The following ZSWIM8 variants were observed in gnomAD, a reference collection of about 807,000 sequenced individuals.
ZSWIM8 encodes the protein zinc finger SWIM domain-containing protein 8.
In ZSWIM8, 27 loss-of-function variants were observed where a neutral mutation model predicts 173.7. The observed-to-expected ratio is 0.16, with a 90% CI of 0.11 to 0.21. The LOEUF is 0.21. ZSWIM8 is among the 10% of genes least tolerant of loss of function. ZSWIM8 has a pLI of 1.00. For missense variants in ZSWIM8, 1,627 were observed against 2,428.8 expected (o/e 0.67, Z 6.94); for synonymous variants, 958 against 962.0 (o/e 1.00, Z 0.08).
intron 2 of ZSWIM8, 62 bp downstream of exon 2, chr10:73,788,885 T>A (rs1195459475): frequency 1.9e-6 from 3 of 1,597,422 alleles, no homozygotes; most frequent in Non-Finnish European, 2.6e-6. Context: ...TCTGCTGGGT[T>A]TCCCATAGAA....
chr10:73,795,053 G>C (rs1302778950), intron 14 of ZSWIM8: 1 of 179,796 alleles, frequency 5.6e-6, no homozygotes, highest in East Asian at 1.7e-4. Context: ...GCAGTGAACT[G>C]TGATTGCACC....
At position 73,799,005 on chromosome 10, in the gene ZSWIM8, A is replaced by G; in HGVS notation, c.4180A>G (p.Asn1394Asp). ...RALVQCKEQD[N>D]LMLEKACMAV... ...ACTCTGTGCCCCTCTCTTCCAGGAC[A>G]ACCTGATGTTGGAGAAGGCCTGCAT... Residue 1394 changes from asparagine to aspartate, a missense_variant, in exon 21 of 26, where the codon AAC becomes GAC. Around this residue, in one of 18 missense-constraint regions of ZSWIM8, gnomAD observed 95 missense variants for 271.3 expected, o/e 0.35. Coordinates refer to ENST00000604729, the MANE Select transcript of ZSWIM8 (RefSeq NM_001367799.1). 6.2e-7 allele frequency: 1 copy of G among 1,606,866 alleles called. No individual in the cohort carries two copies. The highest frequency in any genetic ancestry group is 2.2e-5 in the East Asian group (1 of 44,780).
intron 10 of ZSWIM8, 139 bp from the exon 11 acceptor site, chr10:73,793,449 C>T (rs2083493705): frequency 1.1e-6 from 1 of 921,552 alleles, no homozygotes; most frequent in Middle Eastern, 2.3e-4. Flanking sequence ...GTCTGTCTTT[C>T]TAACCAGAGC....
intron 15 of ZSWIM8, chr10:73,796,425 C>T (rs1369267693): frequency 2.4e-6 from 1 of 411,536 alleles, no homozygotes; most frequent in Non-Finnish European, 4.6e-6. Flanking sequence ...ATCTTGGGGA[C>T]ATCTCATAAA....
intron 11 of ZSWIM8, 25 bp downstream of exon 11, chr10:73,793,744 T>C (rs773755847): frequency 8.2e-6 from 13 of 1,579,076 alleles, no homozygotes; most frequent in South Asian, 2.3e-5. Flanking sequence ...TCCTCTACCT[T>C]CCCCTCCCCC....
Position 73,785,618 on chromosome 10 carries a change from G to T in ZSWIM8, c.-261G>T, listed in dbSNP as rs1174971583. ...GAGGCGGCTCCGCAGCCGCCTAGAGGCCCCAGCCGCCGAGCGCTTCGTCCC... is the reference window on the plus strand; with the variant it reads ...GAGGCGGCTCCGCAGCCGCCTAGAGTCCCCAGCCGCCGAGCGCTTCGTCCC... On this transcript the variant is annotated 5_prime_UTR_variant, in exon 1 of 26. Transcript: ENST00000604729. 4 of 558,140 alleles carry T rather than the reference G, an allele frequency of 7.2e-6. No homozygotes were observed. The highest frequency in any genetic ancestry group is 1.4e-5 in the Non-Finnish European group (4 of 291,480). 34.6% of individuals were successfully genotyped at this position (558,140 alleles called of 1,614,324 possible). A position where few individuals can be genotyped will look rare whatever the true frequency, so the allele number is the denominator to read the frequency against.
intron 15 of ZSWIM8, chr10:73,796,415 A>G (rs1203522361): frequency 2.4e-6 from 1 of 409,726 alleles, no homozygotes; most frequent in African/African-American, 2.1e-5. Flanking sequence ...TAAGTAGGGA[A>G]TCTTGGGGAC....
chr10:73,800,882 C>A lies in ZSWIM8; in HGVS notation c.5122+123C>A. ...GGCCTTGGTCGGGTATGTGTGCGTG[C>A]GCGGGGGGCGGAGGGTTACCTCAGC... On this transcript the variant is annotated intron_variant, in intron 24 of 25. Coordinates refer to ENST00000604729, the MANE Select transcript of ZSWIM8 (RefSeq NM_001367799.1). This position sits in a 1 kb window ranked among gnomAD's most constrained non-coding sequence, Gnocchi z 4.1. The A allele has an allele frequency of 8.5e-7, 1 of 1,179,456 alleles. No individual in the cohort carries two copies. Among genetic ancestry groups the A allele is most frequent in the Non-Finnish European group, 1.2e-6 (1 of 837,060 alleles). The allele number at this position is 1,179,456 out of a possible 1,614,324, so 73.1% of individuals were successfully genotyped here.
chr10:73,801,596 T>C lies in ZSWIM8; in HGVS notation c.*77T>C. ...GCCCCTCACACAGGGGGAGTGAAAC[T>C]TGGCTGGACAGATCATCCTCACTCA... On this transcript the variant is annotated 3_prime_UTR_variant, in exon 26 of 26. Coordinates refer to ENST00000604729, the MANE Select transcript of ZSWIM8 (RefSeq NM_001367799.1). This position sits in a 1 kb window ranked among gnomAD's most constrained non-coding sequence, Gnocchi z 4.9. 2 of 1,562,380 alleles carry C rather than the reference T, an allele frequency of 1.3e-6. No homozygotes were observed. Among genetic ancestry groups the C allele is most frequent in the Non-Finnish European group, 1.7e-6 (2 of 1,158,186 alleles).
In ZSWIM8 at chr10:73,792,805, G is replaced by A. The variant is rs764278173; in HGVS notation, c.2266G>A (p.Asp756Asn). 4 of 1,598,928 alleles carry A rather than the reference G, an allele frequency of 2.5e-6. No homozygotes were observed. The highest frequency in any genetic ancestry group is 1.1e-5 in the South Asian group (1 of 90,214). Reference protein sequence around the residue: ...KAEGGAGEEHDLFAGLKPLEQ... With the variant: ...KAEGGAGEEHNLFAGLKPLEQ... Reference sequence around the variant, plus strand: ...CGAGGGCGGGGCTGGGGAGGAGCACGACCTGTTTGCTGGGCTGAAGCCACT... The same window carrying A: ...CGAGGGCGGGGCTGGGGAGGAGCACAACCTGTTTGCTGGGCTGAAGCCACT... Residue 756 changes from aspartate to asparagine, a missense_variant, in exon 10 of 26, where the codon GAC becomes AAC. Asp to Asn is a conservative substitution (Grantham distance 23). This residue lies in a region of ZSWIM8 where 383 missense variants were observed against 394.8 expected (regional missense o/e 0.97). Coordinates refer to ENST00000604729, the MANE Select transcript of ZSWIM8 (RefSeq NM_001367799.1). This position sits in a 1 kb window ranked among gnomAD's most constrained non-coding sequence, Gnocchi z 4.3.
Position 73,789,385 on chromosome 10 carries a change from C to T in ZSWIM8, c.476C>T (p.Thr159Ile). 6.4e-7 allele frequency: 1 copy of T among 1,567,314 alleles called. No homozygotes were observed. The highest frequency in any genetic ancestry group is 8.7e-7 in the Non-Finnish European group (1 of 1,155,806). The change falls in exon 4 of 26, where the codon ACA (threonine) becomes ATA (isoleucine). Residue 159 changes from threonine to isoleucine, a missense_variant. Transcript: ENST00000604729. The surrounding 1 kb of genome is among the most constrained non-coding windows in gnomAD (Gnocchi z 6.8). ...PLQIGFHLSA[T>I]VVPPQMVPPK... ...TCCCCAGGGTTCCACCTGAGTGCTA[C>T]AGTGGTGCCACCTCAGATGGTCCCT...
chr10:73,786,348 G>A (rs2083223131), intron 1 of ZSWIM8: 2 of 382,820 alleles, frequency 5.2e-6, no homozygotes, highest in Admixed American at 4.5e-5. Flanking sequence ...GTGTGTGTGC[G>A]CGCGCGCGCG....
Position 73,799,255 on chromosome 10 carries a change from C to T in ZSWIM8, c.4430C>T (p.Ala1477Val), listed in dbSNP as rs202213053. The T allele has an allele frequency of 1.6e-5, 25 of 1,598,584 alleles. No individual in the cohort carries two copies. The East Asian group carries it at 2.3e-4, about 15-fold the overall frequency. Reference protein sequence around the residue: ...GPGTEPVTVAAAAVTAAATVV... With the variant: ...GPGTEPVTVAVAAVTAAATVV... ...GGGACTGAGCCGGTTACAGTGGCAG[C>T]GGCAGCAGTGACAGCAGCAGCCACA... is the stretch of plus-strand genomic sequence containing the variant. Residue 1477 changes from alanine to valine, a missense_variant, in exon 21 of 26, where the codon GCG (alanine) becomes GTG (valine). Physicochemically the swap from Ala to Val is moderately conservative, Grantham distance 64 (BLOSUM62 0). Transcript: ENST00000604729.
At chr10:73,799,578 T>TCC in intron 21 of ZSWIM8, 88 bp downstream of exon 21, 2 of 1,533,756 alleles carry the variant, frequency 1.3e-6, no homozygotes. Context: ...GGAGTATAAT[T>TCC]GGTCAGTCGG....
At chr10:73,794,392 G>A (rs1012472736) in intron 13 of ZSWIM8, 62 bp downstream of exon 13, 1 of 1,582,238 alleles carries the variant, frequency 6.3e-7, no homozygotes, top group African/African-American at 1.4e-5. Flanking sequence ...CTCTAAGAAA[G>A]ACCAAGAGCC....
rs762217437 is a variant in ZSWIM8, at chr10:73,790,263, G to A, written c.912G>A (p.Lys304=). Residue 304 remains lysine, a synonymous_variant, in exon 7 of 26, where the codon AAG becomes AAA. Transcript: ENST00000604729. The part of the protein sequence containing the change: ...LTDNIKKTLH[K]FCGPSPVVFS... ...ACAACATCAAAAAGACACTGCACAA[G>A]TTCTGTGGCCCCTCCCCTGTGGTCT... 5 of 1,612,870 alleles carry A rather than the reference G, an allele frequency of 3.1e-6. No homozygotes were observed. The South Asian group carries it at 4.4e-5, about 14-fold the overall frequency.
chr10:73,798,225 C>G lies in ZSWIM8; in HGVS notation c.3953-5C>G. On this transcript the variant is annotated splice_region_variant and splice_polypyrimidine_tract_variant and intron_variant, in intron 19 of 25. Transcript: ENST00000604729. ...CAACTCTGCCCTTCTCTCCTTTCCC[C>G]TAAGGCCAGGCCATGGAGATAGGCA... is the stretch of plus-strand genomic sequence containing the variant. The G allele has an allele frequency of 6.2e-7, 1 of 1,613,730 alleles. No homozygotes were observed. Among genetic ancestry groups the G allele is most frequent in the East Asian group, 2.2e-5 (1 of 44,884 alleles).
Position 73,799,616 on chromosome 10 carries a change from G to A in ZSWIM8, c.4665+126G>A, listed in dbSNP as rs988242500. On this transcript the variant is annotated intron_variant, in intron 21 of 25. Transcript: ENST00000604729. Reference sequence around the variant, plus strand: ...AGTCCTGGTGAGGTGGTGGGAGTCTGGGGGACCCAGCCCAACTAAAATAAG... The same window carrying A: ...AGTCCTGGTGAGGTGGTGGGAGTCTAGGGGACCCAGCCCAACTAAAATAAG... The A allele has an allele frequency of 9.8e-6, 13 of 1,332,922 alleles. No homozygotes were observed. In the African/African-American group the frequency reaches 1.9e-4, roughly 19 times the overall value. 82.6% of individuals were successfully genotyped at this position (1,332,922 alleles called of 1,614,324 possible).
Position 73,801,675 on chromosome 10 carries a change from G to A in ZSWIM8, c.*156G>A. Reference sequence around the variant, plus strand: ...CTCTTGGGCTATAGCTTGGGGCCAAGATGTCTCACACCCTAGAAGCCTAGG... The same window carrying A: ...CTCTTGGGCTATAGCTTGGGGCCAAAATGTCTCACACCCTAGAAGCCTAGG... On this transcript the variant is annotated 3_prime_UTR_variant, in exon 26 of 26. Coordinates refer to ENST00000604729, the MANE Select transcript of ZSWIM8 (RefSeq NM_001367799.1). This position sits in a 1 kb window ranked among gnomAD's most constrained non-coding sequence, Gnocchi z 4.9. The A allele has an allele frequency of 6.5e-7, 1 of 1,534,888 alleles. No homozygotes were observed. The highest frequency in any genetic ancestry group is 8.7e-7 in the Non-Finnish European group (1 of 1,146,502).
Sources: gnomAD v4.1 joint callset for allele counts on GRCh38, gnomAD v4.1.1 for gene constraint, gnomAD v4.1.1 regional missense constraint, Gnocchi (gnomAD v3.1) non-coding constraint, MANE v1.5 for transcripts, NCBI Gene and HGNC (gene_info 2026-07-23, HGNC 2026-07-21) for gene names.